Variants in LPP observed in about 807,000 individuals in gnomAD.
LPP encodes the protein lipoma-preferred partner.
LPP carries 38 observed loss-of-function variants against 60.4 expected under a neutral mutation model. The ratio of observed to expected loss-of-function variants is 0.63; its 90% confidence interval spans 0.49 to 0.83. LPP has a LOEUF of 0.83. Ranked by LOEUF, LPP falls within the 40% of genes least tolerant of loss-of-function variation. LPP has a pLI of 0.00. For synonymous variants in LPP, 328 were observed against 290.8 expected, an observed-to-expected ratio of 1.13 and a Z score of -1.30; for missense variants, 902 against 783.6, an observed-to-expected ratio of 1.15 and a Z score of -1.80.
At chr3:188,226,553 G>T (rs1717846661) in intron 2 of LPP, among the ~76,000 whole-genome samples, 1 of 152,148 alleles carries the variant, frequency 6.6e-6, no homozygotes, top group Non-Finnish European at 1.5e-5. Flanking sequence ...GTGGTAAAAA[G>T]AATCAACAGT....
chr3:188,748,137 A>G (rs1030078559), intron 8 of LPP, among the ~76,000 whole-genome samples: 2 of 152,206 alleles, frequency 1.3e-5, no homozygotes, highest in African/African-American at 4.8e-5. Context: ...TTTTATAGAT[A>G]TTCATAAGAA....
chr3:188,562,074 G>GAC (rs1281292639), intron 6 of LPP, among the ~76,000 whole-genome samples: 4 of 50,496 alleles, frequency 7.9e-5, no homozygotes, highest in Non-Finnish European at 1.1e-4. Flanking sequence ...GACACACACA[G>GAC]ACACACACAC....
intron 2 of LPP, among the ~76,000 whole-genome samples, chr3:188,307,933 G>A (rs4686480): frequency 1.2e-4 from 18 of 151,956 alleles, no homozygotes; most frequent in Non-Finnish European, 1.9e-4. Context: ...GTGCTCTGGG[G>A]TGTAAGTGTG....
rs1770370040 is a variant in LPP at position 188,883,993 on chromosome 3, A to G, written c.*9514A>G. ...ATATACCTTTGTCATGGGGAAGACC[A>G]TGATTGTGGCTTCTTCTACCCCAAC... On this transcript the variant is annotated 3_prime_UTR_variant, in exon 12 of 12. Transcript: ENST00000617246. 4.6e-6 allele frequency: 1 copy of G among 219,462 alleles called. No homozygotes were observed. The highest frequency in any genetic ancestry group is 1.9e-4 in the South Asian group (1 of 5,400). 13.6% of individuals were successfully genotyped at this position (219,462 alleles called of 1,614,324 possible). A position where few individuals can be genotyped will look rare whatever the true frequency, so the allele number is the denominator to read the frequency against.
chr3:188,271,340 G>A (rs528909252), intron 2 of LPP, among the ~76,000 whole-genome samples: 55 of 152,316 alleles, frequency 3.6e-4, no homozygotes, highest in African/African-American at 1.3e-3. Flanking sequence ...AGCAAATGCA[G>A]ACTTTTAATG....
chr3:188,482,762 G>A (rs767243136), intron 4 of LPP, among the ~76,000 whole-genome samples: 8 of 152,146 alleles, frequency 5.3e-5, no homozygotes, highest in African/African-American at 1.7e-4. Context: ...CCACAGATTT[G>A]TGCACCCAGA....
chr3:188,526,828 A>G lies in LPP; in HGVS notation c.429+2041A>G, dbSNP rs1228516238. Among the ~76,000 whole-genome samples the G allele has an allele frequency of 3.9e-5, 6 of 152,302 alleles. No homozygotes were observed. The South Asian group carries it at 1.2e-3, about 32-fold the overall frequency. On this transcript the variant is annotated intron_variant, in intron 6 of 11. Coordinates refer to ENST00000617246, the MANE Select transcript of LPP (RefSeq NM_001375462.1). The stretch of plus-strand genomic sequence containing the variant: ...AACCGATGAGGCAAAAAAGGTGGAT[A>G]GTTGAGAGGAAGAGAAATAGGACTC...
At chr3:188,293,499 A>C (rs567062408) in intron 2 of LPP, among the ~76,000 whole-genome samples, 1 of 152,364 alleles carries the variant, frequency 6.6e-6, no homozygotes, top group Non-Finnish European at 1.5e-5. Flanking sequence ...TGCAAAGCTC[A>C]CTTTTTAAAC....
At chr3:188,612,093 T>C (rs1843832915) in intron 7 of LPP, among the ~76,000 whole-genome samples, 1 of 152,246 alleles carries the variant, frequency 6.6e-6, no homozygotes, top group African/African-American at 2.4e-5. Context: ...ATGTTATTTT[T>C]AAAATTTTTG....
chr3:188,185,112 ACTT>A (rs1726196631), intron 1 of LPP, among the ~76,000 whole-genome samples: 1 of 151,958 alleles, frequency 6.6e-6, no homozygotes, highest in African/African-American at 2.4e-5. Context: ...TTCTTTTTAT[ACTT>A]CTTTTGATGG....
At chr3:188,370,808 T>G (rs1278413553) in intron 3 of LPP, among the ~76,000 whole-genome samples, 1 of 152,212 alleles carries the variant, frequency 6.6e-6, no homozygotes, top group East Asian at 1.9e-4. Flanking sequence ...TTTCAAGCTG[T>G]GGCTCTTTCA....
intron 7 of LPP, among the ~76,000 whole-genome samples, chr3:188,628,317 T>A (rs1278280869): frequency 6.6e-6 from 1 of 152,004 alleles, no homozygotes; most frequent in East Asian, 1.9e-4. Flanking sequence ...AAAGCTGTTT[T>A]TTTTTGCAAG....
At chr3:188,166,400 T>G (rs550474779) in intron 1 of LPP, among the ~76,000 whole-genome samples, 1 of 152,198 alleles carries the variant, frequency 6.6e-6, no homozygotes, top group African/African-American at 2.4e-5. Context: ...TGCTCACTCA[T>G]GTGGGAGATA....
intron 5 of LPP, among the ~76,000 whole-genome samples, chr3:188,487,678 G>A (rs748144338): frequency 3.3e-5 from 5 of 152,150 alleles, no homozygotes; most frequent in Admixed American, 6.5e-5. Context: ...TAGCGGCTTG[G>A]TCCTGCTCTG....
intron 2 of LPP, among the ~76,000 whole-genome samples, chr3:188,244,032 G>A (rs111480986): frequency 0.017 from 2,573 of 152,028 alleles, 67 homozygotes; most frequent in African/African-American, 0.056. Flanking sequence ...CACCACGCCC[G>A]GCTAATTTTT....
chr3:188,694,517 A>G (rs758898178), intron 7 of LPP, among the ~76,000 whole-genome samples: 1 of 151,942 alleles, frequency 6.6e-6, no homozygotes, highest in Non-Finnish European at 1.5e-5. Context: ...ATCCTGACCA[A>G]CATGGAGAAA....
At chr3:188,373,434 G>C (rs1773908535) in intron 3 of LPP, among the ~76,000 whole-genome samples, 1 of 152,194 alleles carries the variant, frequency 6.6e-6, no homozygotes, top group Non-Finnish European at 1.5e-5. Flanking sequence ...TTGTGGTTTT[G>C]ATTTGCATTT....
intron 4 of LPP, 95 bp downstream of exon 4, chr3:188,406,408 T>A: frequency 8.3e-7 from 1 of 1,202,598 alleles, no homozygotes; most frequent in Non-Finnish European, 1.2e-6. Context: ...AAAACGTAGT[T>A]TGTGAATTCA....
At chr3:188,633,443 G>A (rs1309802646) in intron 7 of LPP, among the ~76,000 whole-genome samples, 1 of 152,172 alleles carries the variant, frequency 6.6e-6, no homozygotes, top group Non-Finnish European at 1.5e-5. Context: ...CAGCATTCCT[G>A]TGAGCAGTAT....
Sources: allele counts gnomAD v4.1 joint callset (sites outside exome capture counted in the v4.1 genomes callset), GRCh38; gene constraint gnomAD v4.1.1; transcripts MANE v1.5; gene names NCBI Gene and HGNC (gene_info 2026-07-23, HGNC 2026-07-21).